The following CKMT1B variants were observed in gnomAD, a reference collection of about 807,000 sequenced individuals.
CKMT1B encodes the protein creatine kinase, mitochondrial 1B, also known as creatine kinase U-type, mitochondrial.
Under a neutral mutation model 21.8 loss-of-function variants are expected in CKMT1B, and 13 were observed. That is an observed-to-expected ratio of 0.60 (90% CI 0.39 to 0.95). The LOEUF is 0.95. CKMT1B is among the 40% of genes least tolerant of loss of function. CKMT1B has a pLI of 0.00. For synonymous variants in CKMT1B, 50 were observed against 80.3 expected, an observed-to-expected ratio of 0.62 and a Z score of 2.02; for missense variants, 157 against 227.5, an observed-to-expected ratio of 0.69 and a Z score of 1.99.
Position 43,599,179 on chromosome 15 carries a change from T to A in CKMT1B, c.1160T>A (p.Ile387Asn), listed in dbSNP as rs1184946504. Residue 387 changes from isoleucine (I) to asparagine (N), a missense_variant, in exon 9 of 9, where the codon ATC (isoleucine) becomes AAC (asparagine). Transcript: ENST00000441322. ...KSEVELVQLV[I>N]DGVNYLIDCE... ...TAGGTGGAGCTGGTGCAACTGGTCA[T>A]CGATGGAGTAAACTATTTGATTGAT... is the stretch of plus-strand genomic sequence containing the variant. The A allele has an allele frequency of 6.8e-6, 11 of 1,613,544 alleles. No individual in the cohort carries two copies. The highest frequency in any genetic ancestry group is 1.3e-5 in the African/African-American group (1 of 74,742).
chr15:43,599,287 G>C lies in CKMT1B; in HGVS notation c.*14G>C. 2 of 1,613,636 alleles carry C rather than the reference G, an allele frequency of 1.2e-6. No homozygotes were observed. The highest frequency in any genetic ancestry group is 1.7e-6 in the Non-Finnish European group (2 of 1,179,826). On this transcript the variant is annotated 3_prime_UTR_variant, in exon 9 of 9. Transcript: ENST00000441322. ...ACCAAGCATTAACTCCCCATCGCCAGCTGATGACTCAAGATTCCCAGGAGT... is the reference window on the plus strand; with the variant it reads ...ACCAAGCATTAACTCCCCATCGCCACCTGATGACTCAAGATTCCCAGGAGT...
chr15:43,597,481 T>C, intron 6 of CKMT1B: 2 of 1,259,342 alleles, frequency 1.6e-6, no homozygotes, highest in Non-Finnish European at 2.1e-6. Context: ...TGGAAGAGTT[T>C]CCCCCCATGT....
Position 43,596,896 on chromosome 15 carries a change from G to A in CKMT1B, c.876+365G>A, listed in dbSNP as rs569281291. Among the ~76,000 whole-genome samples the A allele has an allele frequency of 1.1e-4, 17 of 148,648 alleles. 1 individual carries two copies. The highest frequency in any genetic ancestry group is 3.6e-4 in the African/African-American group (14 of 38,896). On this transcript the variant is annotated intron_variant, in intron 6 of 8. Coordinates refer to ENST00000441322, the MANE Select transcript of CKMT1B (RefSeq NM_001375484.1). The stretch of plus-strand genomic sequence containing the variant: ...CATTCGAGCTTAGATTGATGTTGGC[G>A]GGGAGAGGTTGCTGTGTTCATGACT...
At chr15:43,598,420 T>C in intron 7 of CKMT1B, 93 bp downstream of exon 7, 1 of 1,582,164 alleles carries the variant, frequency 6.3e-7, no homozygotes, top group South Asian at 1.2e-5. Context: ...GAGCCAAACA[T>C]GTTGTGGCTA....
Position 43,597,617 on chromosome 15 carries a change from T to G in CKMT1B, c.877-576T>G, listed in dbSNP as rs1004320639. On this transcript the variant is annotated intron_variant, in intron 6 of 8. Coordinates refer to ENST00000441322, the MANE Select transcript of CKMT1B (RefSeq NM_001375484.1). ...AGATCCCTTGTCTCTTGAACTCTAA[T>G]AGTCATCTTCATGACTACATGGTTA... 9 of 926,128 alleles carry G rather than the reference T, an allele frequency of 9.7e-6. 1 individual carries two copies. In the African/African-American group the frequency reaches 1.1e-4, roughly 12 times the overall value. The allele number at this position is 926,128 out of a possible 1,614,324, so 57.4% of individuals were successfully genotyped here.
chr15:43,598,758 A>G lies in CKMT1B; in HGVS notation c.1012-69A>G, dbSNP rs551083664. 6.3e-5 allele frequency: 96 copies of G among 1,518,072 alleles called. 9 individuals are homozygous for G. The East Asian group carries it at 2.2e-3, about 35-fold the overall frequency. The allele number at this position is 1,518,072 out of a possible 1,614,324, so 94.0% of individuals were successfully genotyped here. ...AGGAGACAGAGCTCTGAGCAGGTTC[A>G]GGGCTCTTTCAGGTAGGACTAGTCT... On this transcript the variant is annotated intron_variant, in intron 7 of 8. Coordinates refer to ENST00000441322, the MANE Select transcript of CKMT1B (RefSeq NM_001375484.1).
intron 5 of CKMT1B, 38 bp downstream of exon 5, chr15:43,596,330 C>T: frequency 8.4e-7 from 1 of 1,184,898 alleles, no homozygotes; most frequent in Non-Finnish European, 1.2e-6. Flanking sequence ...TCTTCATGCC[C>T]TCATAAATGC....
rs982581492 is a variant in CKMT1B at position 43,597,388 on chromosome 15, A to T, written c.877-805A>T. 98 of 1,162,284 alleles carry T rather than the reference A, an allele frequency of 8.4e-5. 1 individual carries two copies. Among genetic ancestry groups the T allele is most frequent in the Non-Finnish European group, 1.0e-4 (91 of 890,140 alleles). The allele number at this position is 1,162,284 out of a possible 1,614,324, so 72.0% of individuals were successfully genotyped here. Reference sequence around the variant, plus strand: ...TTCTACATTTTAGGTTGTTGTGGGGATTAAGTGAAATACAGGTAAAGTACT... The same window carrying T: ...TTCTACATTTTAGGTTGTTGTGGGGTTTAAGTGAAATACAGGTAAAGTACT... On this transcript the variant is annotated intron_variant, in intron 6 of 8. Coordinates refer to ENST00000441322, the MANE Select transcript of CKMT1B (RefSeq NM_001375484.1).
At chr15:43,597,752 A>G (rs1004284885) in intron 6 of CKMT1B, 25 of 998,860 alleles carry the variant, frequency 2.5e-5, no homozygotes, top group Non-Finnish European at 2.9e-5. Context: ...CAGCTAACAG[A>G]ATGTTATCTT....
At chr15:43,596,589 A>C (rs541687320) in intron 6 of CKMT1B, 58 bp downstream of exon 6, 2 of 1,605,518 alleles carry the variant, frequency 1.2e-6, no homozygotes, top group Non-Finnish European at 1.7e-6. Flanking sequence ...ACCAAAGAGT[A>C]GCATAAATAG....
chr15:43,598,651 A>T lies in CKMT1B; in HGVS notation c.1012-176A>T, dbSNP rs542681063. On this transcript the variant is annotated intron_variant, in intron 7 of 8. Coordinates refer to ENST00000441322, the MANE Select transcript of CKMT1B (RefSeq NM_001375484.1). Reference sequence around the variant, plus strand: ...GAAGTCGAGGCTTCAGTGAGCTGTGATCACTCCAGCCTGGGTGACAGAGAG... The same window carrying T: ...GAAGTCGAGGCTTCAGTGAGCTGTGTTCACTCCAGCCTGGGTGACAGAGAG... Among the ~76,000 whole-genome samples the T allele has an allele frequency of 4.7e-5, 7 of 148,206 alleles. No individual in the cohort carries two copies. In the South Asian group the frequency reaches 1.3e-3, roughly 27 times the overall value.
At chr15:43,598,400 C>T (rs898506973) in intron 7 of CKMT1B, 73 bp downstream of exon 7, 49 of 1,597,090 alleles carry the variant, frequency 3.1e-5, no homozygotes, top group Non-Finnish European at 3.7e-5. Flanking sequence ...GGAGTGGACC[C>T]TTTGGAAAGG....
At chr15:43,598,373 G>A (rs775616189) in intron 7 of CKMT1B, 46 bp downstream of exon 7, 4 of 1,596,104 alleles carry the variant, frequency 2.5e-6, no homozygotes, top group South Asian at 2.2e-5. Flanking sequence ...AAGGAAGGGT[G>A]GGTTGTGGAT....
intron 5 of CKMT1B, 55 bp downstream of exon 5, chr15:43,596,347 T>C (rs1310867128): frequency 2.2e-6 from 3 of 1,363,024 alleles, no homozygotes; most frequent in South Asian, 1.3e-5. Context: ...ATGCTTTTTT[T>C]CCCTCTATCT....
intron 6 of CKMT1B, chr15:43,597,297 G>C: frequency 5.3e-6 from 3 of 566,842 alleles, no homozygotes; most frequent in Non-Finnish European, 8.1e-6. Context: ...ACTATGAGTG[G>C]GTAGGGAAGT....
intron 6 of CKMT1B, 64 bp from the exon 7 acceptor site, chr15:43,598,129 A>T (rs1227355811): frequency 1.4e-5 from 23 of 1,600,812 alleles, no homozygotes; most frequent in Non-Finnish European, 1.7e-5. Flanking sequence ...GGTCTAGCTA[A>T]GGGAGGGTCC....
chr15:43,598,986 A>G (rs1471799822), intron 8 of CKMT1B, 34 bp downstream of exon 8: 1 of 1,610,222 alleles, frequency 6.2e-7, no homozygotes, highest in Non-Finnish European at 8.5e-7. Context: ...AAGGAGAGGT[A>G]TAGGTCTGCG....
At chr15:43,597,067 T>C (rs1274541150) in intron 6 of CKMT1B, among the ~76,000 whole-genome samples, 1 of 147,080 alleles carries the variant, frequency 6.8e-6, no homozygotes, top group East Asian at 2.1e-4. Flanking sequence ...AGTTCTAGAA[T>C]ATGTGGCTCT....
chr15:43,596,454 C>T lies in CKMT1B; in HGVS notation c.799C>T (p.His267Tyr). Residue 267 changes from histidine (H) to tyrosine (Y), a missense_variant, in exon 6 of 9, where the codon CAT becomes TAT. By Grantham distance (83) the His-to-Tyr change is moderately conservative. Coordinates refer to ENST00000441322, the MANE Select transcript of CKMT1B (RefSeq NM_001375484.1). The part of the protein sequence containing the change: ...SFLIWVNEED[H>Y]TRVISMEKGG... ...CCTGATCTGGGTGAATGAGGAGGAT[C>T]ATACACGGGTGATCTCCATGGAGAA... The T allele has an allele frequency of 6.3e-6, 10 of 1,595,056 alleles. No homozygotes were observed. The highest frequency in any genetic ancestry group is 8.5e-6 in the Non-Finnish European group (10 of 1,172,592).
Sources: allele counts gnomAD v4.1 joint callset (sites outside exome capture counted in the v4.1 genomes callset), GRCh38; gene constraint gnomAD v4.1.1; transcripts MANE v1.5; gene names NCBI Gene and HGNC (gene_info 2026-07-23, HGNC 2026-07-21).